The following ZNF652 variants were observed in gnomAD, a reference collection of about 807,000 sequenced individuals.
ZNF652 encodes the protein zinc finger protein 652.
Under a neutral mutation model 45.2 loss-of-function variants are expected in ZNF652, and 16 were observed. The observed-to-expected ratio is 0.35, with a 90% confidence interval of 0.24 to 0.54. The LOEUF is 0.54. Ranked by LOEUF, ZNF652 falls within the 20% of genes least tolerant of loss-of-function variation. The pLI, the probability that ZNF652 is intolerant of heterozygous loss-of-function variation, is 0.91. For missense variants in ZNF652, 614 were observed against 765.6 expected, an observed-to-expected ratio of 0.80 and a Z score of 2.34; for synonymous variants, 250 against 260.6, an observed-to-expected ratio of 0.96 and a Z score of 0.39.
At chr17:49,338,286 A>G (rs2070107506) in intron 1 of ZNF652, among the ~76,000 whole-genome samples, 2 of 151,934 alleles carry the variant, frequency 1.3e-5, no homozygotes, top group Admixed American at 1.3e-4. Flanking sequence ...GCACTCCACC[A>G]GTTTCTGAAC....
rs751431550 is a variant in ZNF652, at chr17:49,361,426, T to TGTAC, written c.-259+479_-259+482dup. Among the ~76,000 whole-genome samples, 14 of 151,600 alleles carry TGTAC rather than the reference T, an allele frequency of 9.2e-5. No individual in the cohort carries two copies. The East Asian group carries it at 9.7e-4, about 11-fold the overall frequency. On this transcript the variant is annotated intron_variant, in intron 1 of 5. Transcript: ENST00000430262. Reference sequence around the variant, plus strand: ...TGAGTGTGGGGCTGCCGGTGGCGGGTGTACATCAGACGCATTTTATCTACT... The same window carrying TGTAC: ...TGAGTGTGGGGCTGCCGGTGGCGGGTGTACGTACATCAGACGCATTTTATCTACT...
chr17:49,351,634 G>A lies in ZNF652; in HGVS notation c.-259+10275C>T, dbSNP rs150550867. The stretch of plus-strand genomic sequence containing the variant: ...AGAGATGTCTCAGGATAGAAGTAAA[G>A]GTGGAAAAGGCCATATTTTTTTTTC... On this transcript the variant is annotated intron_variant, in intron 1 of 5. Transcript: ENST00000430262. 4.8e-3 allele frequency among the ~76,000 whole-genome samples: 733 copies of A among 152,144 alleles called. 2 individuals are homozygous for A. Among genetic ancestry groups the A allele is most frequent in the Middle Eastern group, 0.01 (3 of 294 alleles).
At position 49,295,724 on chromosome 17, in the gene ZNF652, G is replaced by C. The variant is rs1026972696; in HGVS notation, c.*2689C>G. On this transcript the variant is annotated 3_prime_UTR_variant, in exon 6 of 6. Transcript: ENST00000430262. ...GGAGGCTGAGGTGGGCGGATCACAA[G>C]GTCAGGAGTTTGAGACCAGCCTGGC... 2.0e-5 allele frequency: 3 copies of C among 151,962 alleles called. No homozygotes were observed. The highest frequency in any genetic ancestry group is 4.4e-5 in the Non-Finnish European group (3 of 68,018). The allele number at this position is 151,962 out of a possible 1,614,324, so 9.4% of individuals were successfully genotyped here.
rs2069490044 is a variant in ZNF652, at chr17:49,297,364, C to T, written c.*1049G>A. On this transcript the variant is annotated 3_prime_UTR_variant, in exon 6 of 6. Coordinates refer to ENST00000430262, the MANE Select transcript of ZNF652 (RefSeq NM_001145365.3). ...GATGAAATGATCTCCACTACTTCCT[C>T]CTCCTGTCAGCAAACAGCCTTATTC... 1 of 152,564 alleles carries T rather than the reference C, an allele frequency of 6.6e-6. No individual in the cohort carries two copies. Among genetic ancestry groups the T allele is most frequent in the South Asian group, 2.1e-4 (1 of 4,834 alleles). 9.5% of individuals were successfully genotyped at this position (152,564 alleles called of 1,614,324 possible).
At position 49,340,494 on chromosome 17, in the gene ZNF652, T is replaced by G. The variant is rs181340991; in HGVS notation, c.-259+21415A>C. 5.9e-4 allele frequency among the ~76,000 whole-genome samples: 82 copies of G among 138,234 alleles called. 1 individual carries two copies. The highest frequency in any genetic ancestry group is 3.4e-3 in the Admixed American group (42 of 12,338). The allele number at this position is 138,234 out of a possible 152,430, so 90.7% of individuals were successfully genotyped here. A position where few individuals can be genotyped will look rare whatever the true frequency, so the allele number is the denominator to read the frequency against. ...TCTCTTGAAATTGGGAGGCAGAGGT[T>G]GCAGTGAACTGAGTCACTGCACTCC... On this transcript the variant is annotated intron_variant, in intron 1 of 5. Transcript: ENST00000430262.
At chr17:49,329,269 G>T (rs2069998202) in intron 1 of ZNF652, among the ~76,000 whole-genome samples, 1 of 152,126 alleles carries the variant, frequency 6.6e-6, no homozygotes, top group South Asian at 2.1e-4. Context: ...TTTCAAATGG[G>T]TAAAACCTAA....
chr17:49,320,803 CATT>C (rs1352766884), intron 1 of ZNF652, among the ~76,000 whole-genome samples: 10 of 152,218 alleles, frequency 6.6e-5, no homozygotes, highest in African/African-American at 2.4e-4. Context: ...AAAGAGTAAT[CATT>C]AATTCATTTT....
At chr17:49,318,292 G>A (rs1163989566) in intron 1 of ZNF652, among the ~76,000 whole-genome samples, 1 of 152,052 alleles carries the variant, frequency 6.6e-6, no homozygotes, top group Non-Finnish European at 1.5e-5. Flanking sequence ...TGGCCAGGCT[G>A]GTCTTGAACT....
intron 1 of ZNF652, among the ~76,000 whole-genome samples, chr17:49,338,120 T>C (rs1472638624): frequency 6.7e-6 from 1 of 150,276 alleles, no homozygotes; most frequent in Non-Finnish European, 1.5e-5. Flanking sequence ...CCTGAGTAGC[T>C]GGCACACGCC....
Position 49,297,594 on chromosome 17 carries a change from G to A in ZNF652, c.*819C>T, listed in dbSNP as rs1197227807. 1.3e-5 allele frequency: 2 copies of A among 152,632 alleles called. No individual in the cohort carries two copies. Among genetic ancestry groups the A allele is most frequent in the Non-Finnish European group, 2.9e-5 (2 of 68,042 alleles). 9.5% of individuals were successfully genotyped at this position (152,632 alleles called of 1,614,324 possible). A position where few individuals can be genotyped will look rare whatever the true frequency, so the allele number is the denominator to read the frequency against. ...CTGAAAGCAAAACCTCATTTTTGCA[G>A]TAACCTGGTCTGGAGACCCTCTCAG... On this transcript the variant is annotated 3_prime_UTR_variant, in exon 6 of 6. Coordinates refer to ENST00000430262, the MANE Select transcript of ZNF652 (RefSeq NM_001145365.3).
chr17:49,345,564 G>A (rs530710812), intron 1 of ZNF652, among the ~76,000 whole-genome samples: 4 of 151,114 alleles, frequency 2.6e-5, no homozygotes, highest in South Asian at 2.1e-4. Context: ...GAAGTAGGCC[G>A]GGCGTGGTGG....
intron 1 of ZNF652, among the ~76,000 whole-genome samples, chr17:49,341,710 T>C (rs886319067): frequency 2.0e-5 from 3 of 151,572 alleles, no homozygotes; most frequent in East Asian, 1.9e-4. Context: ...TAATAGAAAA[T>C]AGTAAAGGAA....
rs2069434564 is a variant in ZNF652, at chr17:49,293,679, A to AG, written c.*4733_*4734insC. On this transcript the variant is annotated 3_prime_UTR_variant, in exon 6 of 6. Transcript: ENST00000430262. Reference sequence around the variant, plus strand: ...CTAAAAAAAAAAAAAAAAAAAAAAAAAAAAAACTCTTAAGTAATTTCCTAT... The same window carrying AG: ...CTAAAAAAAAAAAAAAAAAAAAAAAAGAAAAAACTCTTAAGTAATTTCCTAT... 2.0e-5 allele frequency among the ~76,000 whole-genome samples: 3 copies of AG among 149,210 alleles called. No individual in the cohort carries two copies. Among genetic ancestry groups the AG allele is most frequent in the Non-Finnish European group, 3.0e-5 (2 of 67,726 alleles).
In ZNF652 at chr17:49,295,943, A is replaced by AAAAAC. The variant is rs2069469129; in HGVS notation, c.*2469_*2470insGTTTT. 12 of 120,362 alleles carry AAAAAC rather than the reference A, an allele frequency of 1.0e-4. 1 individual carries two copies. Among genetic ancestry groups the AAAAAC allele is most frequent in the African/African-American group, 4.0e-4 (11 of 27,372 alleles). The allele number at this position is 120,362 out of a possible 1,614,324, so 7.5% of individuals were successfully genotyped here. A position where few individuals can be genotyped will look rare whatever the true frequency, so the allele number is the denominator to read the frequency against. ...ACAGAACAAGACTCTGCCTCAAAAA[A>AAAAAC]AAAAAAAAAAAAAAAAAAAAAACAG... is the stretch of plus-strand genomic sequence containing the variant. On this transcript the variant is annotated 3_prime_UTR_variant, in exon 6 of 6. Coordinates refer to ENST00000430262, the MANE Select transcript of ZNF652 (RefSeq NM_001145365.3).
intron 1 of ZNF652, among the ~76,000 whole-genome samples, chr17:49,323,208 T>C (rs1209398794): frequency 6.6e-6 from 1 of 152,252 alleles, no homozygotes. Context: ...ACTAAGTTTA[T>C]GGAATGAATA....
chr17:49,316,873 T>G lies in ZNF652; in HGVS notation c.853A>C (p.Ser285Arg). ...DKCGKKFVLE[S>R]ELSLHQQTDC... ...GTTTGCTGGTGAAGGGACAGCTCACTTTCCAGGACAAACTTCTTGCCACAT... is the reference window on the plus strand; with the variant it reads ...GTTTGCTGGTGAAGGGACAGCTCACGTTCCAGGACAAACTTCTTGCCACAT... The change falls in exon 2 of 6, where the codon AGT (serine) becomes CGT (arginine). Residue 285 changes from serine to arginine, a missense_variant. By Grantham distance (110) the Ser-to-Arg change is moderately radical. Transcript: ENST00000430262. The G allele has an allele frequency of 6.2e-7, 1 of 1,614,144 alleles. No homozygotes were observed. Among genetic ancestry groups the G allele is most frequent in the Non-Finnish European group, 8.5e-7 (1 of 1,180,012 alleles).
intron 1 of ZNF652, among the ~76,000 whole-genome samples, chr17:49,360,407 T>C (rs548552453): frequency 6.6e-6 from 1 of 152,350 alleles, no homozygotes; most frequent in African/African-American, 2.4e-5. Context: ...AAGACGGTTC[T>C]AAAGACTTCC....
At chr17:49,352,714 G>A (rs1002670631) in intron 1 of ZNF652, among the ~76,000 whole-genome samples, 5 of 152,102 alleles carry the variant, frequency 3.3e-5, no homozygotes, top group African/African-American at 9.7e-5. Context: ...ATAATCACCC[G>A]AAACTGGAAG....
intron 1 of ZNF652, among the ~76,000 whole-genome samples, chr17:49,327,595 C>G (rs1008294992): frequency 2.7e-5 from 4 of 150,630 alleles, no homozygotes; most frequent in Non-Finnish European, 5.9e-5. Context: ...TATAGCATAG[C>G]AGACCAGGCA....
Sources: allele counts gnomAD v4.1 joint callset (sites outside exome capture counted in the v4.1 genomes callset), GRCh38; gene constraint gnomAD v4.1.1; transcripts MANE v1.5; gene names NCBI Gene and HGNC (gene_info 2026-07-23, HGNC 2026-07-21).